Variants in HS3ST4 observed in about 807,000 individuals in gnomAD.
HS3ST4 encodes heparan sulfate glucosamine 3-O-sulfotransferase 4.
In HS3ST4, 17 loss-of-function variants were observed where a neutral mutation model predicts 29.2. The ratio of observed to expected loss-of-function variants is 0.58; its 90% CI spans 0.40 to 0.87. The LOEUF (loss-of-function observed/expected upper bound fraction) is 0.87, where lower values mean the gene tolerates loss of function less well. Ranked by LOEUF, HS3ST4 falls within the 40% of genes least tolerant of loss-of-function variation. The probability of loss-of-function intolerance (pLI) is 0.00; values close to 1 mark genes in which losing one functional copy is unlikely to be tolerated. For synonymous variants in HS3ST4, 314 were observed against 285.7 expected (o/e 1.10, Z -1.00); for missense variants, 627 against 634.5 (o/e 0.99, Z 0.13).
At chr16:25,799,359 A>G (rs1966909674) in intron 1 of HS3ST4, among the ~76,000 whole-genome samples, 1 of 152,200 alleles carries the variant, frequency 6.6e-6, no homozygotes, top group African/African-American at 2.4e-5. Context: ...TATTAATAGA[A>G]CAAAAAGTCC....
At chr16:26,016,428 C>A (rs988411458) in intron 1 of HS3ST4, among the ~76,000 whole-genome samples, 1 of 152,210 alleles carries the variant, frequency 6.6e-6, no homozygotes, top group African/African-American at 2.4e-5. Context: ...CATGTTACTT[C>A]TCTTTCTGTC....
intron 1 of HS3ST4, among the ~76,000 whole-genome samples, chr16:25,781,470 C>T (rs903107700): frequency 3.9e-5 from 6 of 152,148 alleles, no homozygotes; most frequent in East Asian, 1.9e-4. Context: ...ACCGAGGTTT[C>T]GATTCTCTTC....
intron 1 of HS3ST4, among the ~76,000 whole-genome samples, chr16:25,726,606 A>G (rs894432456): frequency 1.4e-5 from 2 of 144,034 alleles, no homozygotes; most frequent in African/African-American, 5.0e-5. Flanking sequence ...AAATATTTAC[A>G]CTCTTGCCAG....
chr16:25,918,515 T>G (rs997479972), intron 1 of HS3ST4, among the ~76,000 whole-genome samples: 2 of 152,196 alleles, frequency 1.3e-5, no homozygotes, highest in Non-Finnish European at 2.9e-5. Context: ...AAGGAGCATG[T>G]AGCATGAGTA....
intron 1 of HS3ST4, among the ~76,000 whole-genome samples, chr16:26,090,240 C>T (rs573793120): frequency 6.6e-6 from 1 of 151,808 alleles, no homozygotes; most frequent in Non-Finnish European, 1.5e-5. Flanking sequence ...ATGAAACCCA[C>T]TCCATCTGCC....
chr16:25,700,197 A>C (rs9937587), intron 1 of HS3ST4, among the ~76,000 whole-genome samples: 144 of 152,326 alleles, frequency 9.5e-4, no homozygotes, highest in African/African-American at 3.2e-3. Context: ...GAAGGAGGAA[A>C]AAAAGTATGA....
At chr16:26,021,583 G>A (rs1045047558) in intron 1 of HS3ST4, among the ~76,000 whole-genome samples, 9 of 152,282 alleles carry the variant, frequency 5.9e-5, no homozygotes, top group African/African-American at 1.9e-4. Context: ...GCCCAGCAGC[G>A]TACGAGGCTC....
chr16:26,028,901 G>A (rs567401009), intron 1 of HS3ST4: 10 of 152,332 alleles, frequency 6.6e-5, no homozygotes, highest in East Asian at 3.9e-4. Context: ...GTGTAAGAAC[G>A]TGGGTCTTTT....
chr16:26,097,818 G>A (rs1250358374), intron 1 of HS3ST4, among the ~76,000 whole-genome samples: 4 of 151,834 alleles, frequency 2.6e-5, no homozygotes, highest in East Asian at 1.9e-4. Flanking sequence ...GGGAGAAAAT[G>A]TTTGCAATCT....
chr16:25,961,885 A>G (rs186712883), intron 1 of HS3ST4, among the ~76,000 whole-genome samples: 3 of 152,294 alleles, frequency 2.0e-5, no homozygotes, highest in Non-Finnish European at 4.4e-5. Flanking sequence ...ATTAACCTCT[A>G]TTTTATACTA....
At chr16:26,101,037 C>T (rs1898983990) in intron 1 of HS3ST4, among the ~76,000 whole-genome samples, 1 of 152,180 alleles carries the variant, frequency 6.6e-6, no homozygotes, top group Non-Finnish European at 1.5e-5. Flanking sequence ...GCCTGGGAAT[C>T]TCCTCACTGC....
chr16:25,803,101 A>G (rs1026068857), intron 1 of HS3ST4, among the ~76,000 whole-genome samples: 1 of 151,818 alleles, frequency 6.6e-6, no homozygotes, highest in African/African-American at 2.4e-5. Flanking sequence ...TCTCACATAT[A>G]TATATATGTA....
At chr16:25,716,551 A>G (rs1038927710) in intron 1 of HS3ST4, among the ~76,000 whole-genome samples, 23 of 152,220 alleles carry the variant, frequency 1.5e-4, no homozygotes, top group Admixed American at 6.5e-4. Context: ...AAAGAGCCCA[A>G]TGGGAGCCCT....
At chr16:25,836,741 TA>T (rs1967359995) in intron 1 of HS3ST4, among the ~76,000 whole-genome samples, 1 of 152,206 alleles carries the variant, frequency 6.6e-6, no homozygotes, top group Non-Finnish European at 1.5e-5. Flanking sequence ...CTATGGACTA[TA>T]AATGTTAAAT....
At chr16:26,014,463 A>G (rs762827557) in intron 1 of HS3ST4, among the ~76,000 whole-genome samples, 1 of 152,186 alleles carries the variant, frequency 6.6e-6, no homozygotes, top group Non-Finnish European at 1.5e-5. Flanking sequence ...ATAGTACCCT[A>G]TAGGTGGTTT....
chr16:25,924,608 A>G (rs1158532679), intron 1 of HS3ST4, among the ~76,000 whole-genome samples: 1 of 152,176 alleles, frequency 6.6e-6, no homozygotes, highest in South Asian at 2.1e-4. Flanking sequence ...TTTAAGCAAA[A>G]TTGAAATCTT....
intron 1 of HS3ST4, among the ~76,000 whole-genome samples, chr16:25,713,654 T>C (rs1438543781): frequency 6.6e-6 from 1 of 152,162 alleles, no homozygotes; most frequent in African/African-American, 2.4e-5. Context: ...TCTTCATAGG[T>C]ATGGCGTAAA....
chr16:25,979,931 C>G (rs1171369912), intron 1 of HS3ST4, among the ~76,000 whole-genome samples: 1 of 152,142 alleles, frequency 6.6e-6, no homozygotes, highest in African/African-American at 2.4e-5. Flanking sequence ...GACCCTTCAC[C>G]CTTTGTCCAT....
intron 1 of HS3ST4, among the ~76,000 whole-genome samples, chr16:26,056,160 A>C (rs1445132578): frequency 6.6e-6 from 1 of 152,094 alleles, no homozygotes; most frequent in Non-Finnish European, 1.5e-5. Flanking sequence ...CAATTGACTC[A>C]GTTTACCTAA....
Sources: allele counts gnomAD v4.1 joint callset (sites outside exome capture counted in the v4.1 genomes callset), GRCh38; gene constraint gnomAD v4.1.1; transcripts MANE v1.5; gene names NCBI Gene and HGNC (gene_info 2026-07-23, HGNC 2026-07-21).